ZNF185: variants seen among roughly 807,000 people sequenced by gnomAD.
ZNF185 encodes zinc finger protein 185 with LIM domain, also known as zinc finger protein 185.
In ZNF185, 56 loss-of-function variants were observed where a neutral mutation model predicts 58.6. That is an observed-to-expected ratio of 0.95 (90% CI 0.77 to 1.19). The LOEUF (loss-of-function observed/expected upper bound fraction) is 1.19, where lower values mean the gene tolerates loss of function less well. Ranked by LOEUF, ZNF185 falls within the 50% of genes most tolerant of loss-of-function variation. ZNF185 has a pLI of 0.00. For missense variants in ZNF185, 627 were observed against 573.5 expected (o/e 1.09, Z -0.95); for synonymous variants, 230 against 215.9 (o/e 1.07, Z -0.57).
intron 12 of ZNF185, 66 bp downstream of exon 13, chrX:152,928,727 A>G: frequency 9.0e-7 from 1 of 1,112,147 alleles, no homozygotes; most frequent in Non-Finnish European, 1.2e-6. Flanking sequence ...CAGCAGCCTC[A>G]GGTGGCAAAT....
At chrX:152,920,410 G>A in exon 8 of ZNF185, 1 of 1,210,156 alleles carries the variant, frequency 8.3e-7, no homozygotes, top group Non-Finnish European at 1.1e-6. Context: ...GAAGAGCACT[G>A]GGTGAGTTGC....
At chrX:152,914,398 C>T (rs1275634519), upstream of ZNF185, 17 of 850,928 alleles carry the variant, frequency 2.0e-5, no homozygotes, top group Non-Finnish European at 2.5e-5. Context: ...ACCTGCAAGA[C>T]ACTACAAATG....
chrX:152,915,160 C>G (rs782016093), exon 3 of ZNF185: 5 of 1,210,264 alleles, frequency 4.1e-6, no homozygotes, highest in Non-Finnish European at 5.6e-6. Flanking sequence ...AGGCCGGAGT[C>G]GCGCCACATC....
upstream of ZNF185, among the ~76,000 whole-genome samples, chrX:152,910,739 C>T (rs782779554): frequency 5.3e-5 from 6 of 112,245 alleles, no homozygotes; most frequent in Admixed American, 9.4e-5. Context: ...GACCAGCAGG[C>T]CTGCCCTTAA....
At chrX:152,905,079 C>T in the ZNF185 span, among the ~76,000 whole-genome samples, 1 of 113,143 alleles carries the variant, frequency 8.8e-6, no homozygotes. Flanking sequence ...GTTGGAAGAG[C>T]CAGCATGGAT....
chrX:152,919,482 C>T (rs1183583372), intron 7 of ZNF185, among the ~76,000 whole-genome samples: 4 of 111,225 alleles, frequency 3.6e-5, no homozygotes, highest in African/African-American at 1.3e-4. Context: ...CTGAATGCCC[C>T]GGACCCCAAA....
In ZNF185 at chrX:152,922,159, C is replaced by T; in HGVS notation, c.657-14C>T. On this transcript the variant is annotated splice_polypyrimidine_tract_variant and intron_variant, in intron 9 of 22. Transcript: ENST00000449285. ...CAAGAAGACCACGAGCGCTGTTTCT[C>T]TTCTTGCTCAAAGGGTGGAGGTGGT... The T allele has an allele frequency of 8.4e-7, 1 of 1,189,179 alleles. No homozygotes were observed. Among genetic ancestry groups the T allele is most frequent in the Non-Finnish European group, 1.1e-6 (1 of 883,779 alleles).
chrX:152,939,785 T>TG (rs2046949986), intron 15 of ZNF185, among the ~76,000 whole-genome samples: 1 of 91,943 alleles, frequency 1.1e-5, no homozygotes, highest in Non-Finnish European at 2.2e-5. Flanking sequence ...TGTTTTTTTT[T>TG]TTTTTTTTTT....
At chrX:152,914,776 C>T (rs369058817) in exon 2 of ZNF185, 116 of 1,188,145 alleles carry the variant, frequency 9.8e-5, no homozygotes, top group Non-Finnish European at 1.3e-4. Flanking sequence ...GTGCGAACCA[C>T]GCTGAAGGGG....
At chrX:152,965,518 G>T (rs782136636) in exon 19 of ZNF185, 1 of 1,182,721 alleles carries the variant, frequency 8.5e-7, no homozygotes, top group Non-Finnish European at 1.1e-6. Flanking sequence ...GTATCTGCAC[G>T]CTATAGCAAG....
intron 17 of ZNF185, 143 bp downstream of exon 19, chrX:152,960,039 A>G: frequency 1.9e-6 from 1 of 527,350 alleles, no homozygotes; most frequent in Non-Finnish European, 2.9e-6. Context: ...AGGGAAGGAG[A>G]GAAACCAGCA....
chrX:152,938,014 G>C, intron 14 of ZNF185, 60 bp from the exon 17 acceptor site: 1 of 1,095,634 alleles, frequency 9.1e-7, no homozygotes, highest in East Asian at 3.3e-5. Context: ...GGAGGGGGAA[G>C]ACCTGGGCCC....
chrX:152,945,345 A>G (rs1556893830), exon 16 of ZNF185: 1 of 1,205,324 alleles, frequency 8.3e-7, no homozygotes, highest in Non-Finnish European at 1.1e-6. Context: ...GAGCTCCAAG[A>G]GGTGGCCAAG....
At chrX:152,930,137 G>A (rs1488867332) in intron 12 of ZNF185, among the ~76,000 whole-genome samples, 1 of 112,208 alleles carries the variant, frequency 8.9e-6, no homozygotes, top group Admixed American at 9.4e-5. Flanking sequence ...TCCAGAGCAG[G>A]CAGATCCGCT....
In ZNF185 at chrX:152,924,679, T is replaced by C. The variant is rs116359939; in HGVS notation, c.830+1870T>C. On this transcript the variant is annotated intron_variant, in intron 11 of 22. Coordinates refer to ENST00000449285, the Ensembl canonical transcript of ZNF185. ...TCAGGTGCCTTTCTGTTTGTTCGTTTGTTTGTTTTGTTTGTTTTTGAGATG... is the reference window on the plus strand; with the variant it reads ...TCAGGTGCCTTTCTGTTTGTTCGTTCGTTTGTTTTGTTTGTTTTTGAGATG... Among the ~76,000 whole-genome samples the C allele has an allele frequency of 8.0e-3, 897 of 111,493 alleles. 9 individuals are homozygous for C. Among genetic ancestry groups the C allele is most frequent in the African/African-American group, 0.028 (851 of 30,646 alleles).
rs1939999177 is a variant in ZNF185, at chrX:152,922,713, T to C, written c.741-7T>C. On this transcript the variant is annotated splice_polypyrimidine_tract_variant and splice_region_variant and intron_variant, in intron 10 of 22. Transcript: ENST00000449285. ...CCAGAGCCTCTCACAGCCACCTTCT[T>C]TGCCAGTGCGGATGGAGGCAGGACC... is the stretch of plus-strand genomic sequence containing the variant. 4.2e-6 allele frequency: 5 copies of C among 1,193,625 alleles called. No individual in the cohort carries two copies. The Admixed American group carries it at 6.9e-5, about 16-fold the overall frequency.
rs1487325333 is a variant in ZNF185, at chrX:152,917,750, T to C, written c.342-315T>C. 7 of 923,418 alleles carry C rather than the reference T, an allele frequency of 7.6e-6. No homozygotes were observed. In the South Asian group the frequency reaches 8.7e-5, roughly 11 times the overall value. The allele number at this position is 923,418 out of a possible 1,213,427, so 76.1% of individuals were successfully genotyped here. A position where few individuals can be genotyped will look rare whatever the true frequency, so the allele number is the denominator to read the frequency against. Reference sequence around the variant, plus strand: ...GCTGATGGCATTGAGAAGGCTGAAGTTGCATGCAATTCAAGCACCTTGGCA... The same window carrying C: ...GCTGATGGCATTGAGAAGGCTGAAGCTGCATGCAATTCAAGCACCTTGGCA... On this transcript the variant is annotated intron_variant, in intron 5 of 22. Transcript: ENST00000449285.
intron 8 of ZNF185, 98 bp downstream of exon 9, chrX:152,920,509 C>T: frequency 1.0e-6 from 1 of 961,858 alleles, no homozygotes. Flanking sequence ...GGAGAGATCA[C>T]CCCCAAGGGC....
upstream of ZNF185, among the ~76,000 whole-genome samples, chrX:152,909,844 G>A (rs999349605): frequency 1.4e-4 from 16 of 110,450 alleles, no homozygotes; most frequent in African/African-American, 4.6e-4. Context: ...AGAAGTCCCT[G>A]CATCTGTTCA....
Sources: allele counts gnomAD v4.1 joint callset (sites outside exome capture counted in the v4.1 genomes callset), GRCh38; gene constraint gnomAD v4.1.1; transcripts MANE v1.5; gene names NCBI Gene and HGNC (gene_info 2026-07-23, HGNC 2026-07-21).